INPP5D: variants seen among roughly 807,000 people sequenced by gnomAD.
INPP5D encodes phosphatidylinositol 3,4,5-trisphosphate 5-phosphatase 1.
Under a neutral mutation model 122.9 loss-of-function variants are expected in INPP5D, and 33 were observed. The ratio of observed to expected loss-of-function variants is 0.27; its 90% CI spans 0.20 to 0.36. INPP5D has a LOEUF of 0.36. Ranked by LOEUF, INPP5D falls within the 10% of genes least tolerant of loss-of-function variation. The pLI is 1.00. For synonymous variants in INPP5D, 584 were observed against 576.2 expected, an observed-to-expected ratio of 1.01 and a Z score of -0.19; for missense variants, 1,053 against 1,412.7, an observed-to-expected ratio of 0.75 and a Z score of 4.08.
chr2:233,113,257 C>A lies in INPP5D; in HGVS notation c.199-8850C>A, dbSNP rs1415391602. On this transcript the variant is annotated intron_variant, in intron 2 of 26. Coordinates refer to ENST00000445964, the MANE Select transcript of INPP5D (RefSeq NM_001017915.3). Reference sequence around the variant, plus strand: ...TAAGGCCCTCGTCATGTCCTTATCCCAGCTGCTCCCTCGTCCCCACTGGCT... The same window carrying A: ...TAAGGCCCTCGTCATGTCCTTATCCAAGCTGCTCCCTCGTCCCCACTGGCT... 2.6e-5 allele frequency among the ~76,000 whole-genome samples: 4 copies of A among 152,180 alleles called. No homozygotes were observed. In the South Asian group the frequency reaches 8.3e-4, roughly 32 times the overall value.
intron 2 of INPP5D, among the ~76,000 whole-genome samples, chr2:233,109,663 C>T (rs1692561322): frequency 6.6e-6 from 1 of 151,926 alleles, no homozygotes; most frequent in Admixed American, 6.6e-5. Flanking sequence ...ACTGCAACCT[C>T]TGCCTCCCAG....
chr2:233,060,627 C>T lies in INPP5D; in HGVS notation c.134+15C>T. 2 of 1,613,276 alleles carry T rather than the reference C, an allele frequency of 1.2e-6. No individual in the cohort carries two copies. Among genetic ancestry groups the T allele is most frequent in the East Asian group, 2.2e-5 (1 of 44,870 alleles). ...CTCTGCGTGCTGTGAGTACAACCTG[C>T]TCCCTCCCCGGGCACAGATATGACA... On this transcript the variant is annotated intron_variant, in intron 1 of 26. Coordinates refer to ENST00000445964, the MANE Select transcript of INPP5D (RefSeq NM_001017915.3).
Position 233,178,806 on chromosome 2 carries a change from C to A in INPP5D, c.2071+1460C>A, listed in dbSNP as rs78886327. On this transcript the variant is annotated intron_variant, in intron 18 of 26. Transcript: ENST00000445964. ...GCCCAGTGGTATTATTTTTAAAACA[C>A]TGCGAATTCCCACACAATGGCCTCT... Among the ~76,000 whole-genome samples the A allele has an allele frequency of 0.013, 1,933 of 152,248 alleles. 103 individuals are homozygous for A. The East Asian group carries it at 0.18, about 14-fold the overall frequency.
chr2:233,083,841 G>A (rs189982470), intron 2 of INPP5D, among the ~76,000 whole-genome samples: 17 of 152,236 alleles, frequency 1.1e-4, no homozygotes, highest in African/African-American at 3.4e-4. Flanking sequence ...AAGCAAAAGA[G>A]GCCCTTCGGC....
rs759393750 is a variant in INPP5D, at chr2:233,183,903, C to T, written c.2162-505C>T. 2.2e-4 allele frequency among the ~76,000 whole-genome samples: 34 copies of T among 152,160 alleles called. No individual in the cohort carries two copies. The highest frequency in any genetic ancestry group is 3.4e-4 in the Non-Finnish European group (23 of 68,026). On this transcript the variant is annotated intron_variant, in intron 19 of 26. Coordinates refer to ENST00000445964, the MANE Select transcript of INPP5D (RefSeq NM_001017915.3). The surrounding 1 kb of genome is among the most constrained non-coding windows in gnomAD (Gnocchi z 4.6). Reference sequence around the variant, plus strand: ...AGCTTAAGGATGCTTGCAAAAGCATCGTCTAAATTAATACAGTTGCAGGCA... The same window carrying T: ...AGCTTAAGGATGCTTGCAAAAGCATTGTCTAAATTAATACAGTTGCAGGCA...
intron 1 of INPP5D, among the ~76,000 whole-genome samples, chr2:233,069,096 G>T (rs1443347835): frequency 6.6e-6 from 1 of 152,238 alleles, no homozygotes; most frequent in South Asian, 2.1e-4. Flanking sequence ...GCGGCAGCAC[G>T]TGGGGACCAG....
intron 9 of INPP5D, among the ~76,000 whole-genome samples, chr2:233,154,689 C>T (rs926419544): frequency 3.3e-5 from 5 of 152,176 alleles, no homozygotes; most frequent in Non-Finnish European, 4.4e-5. Context: ...GAAGACCTTC[C>T]TTTGGAGCCT....
At chr2:233,065,307 GTTTTTT>G (rs376982879) in intron 1 of INPP5D, among the ~76,000 whole-genome samples, 1 of 116,976 alleles carries the variant, frequency 8.5e-6, no homozygotes, top group African/African-American at 3.3e-5. Flanking sequence ...CACTTCTTGG[GTTTTTT>G]TTTTTTTTTT....
chr2:233,075,599 A>ATG (rs150497378), intron 1 of INPP5D, among the ~76,000 whole-genome samples: 13,369 of 150,906 alleles, frequency 0.089, 671 homozygotes, highest in Middle Eastern at 0.13. Context: ...GCACATGTAT[A>ATG]TGTGTGTGTG....
intron 22 of INPP5D, 108 bp from the exon 23 acceptor site, chr2:233,193,704 C>T: frequency 1.3e-6 from 2 of 1,575,784 alleles, no homozygotes; most frequent in Non-Finnish European, 1.7e-6. Flanking sequence ...ATTAAATAAC[C>T]CTTGCCTGGG....
intron 1 of INPP5D, among the ~76,000 whole-genome samples, chr2:233,060,971 A>G (rs768141503): frequency 2.0e-5 from 3 of 152,204 alleles, no homozygotes; most frequent in Non-Finnish European, 4.4e-5. Flanking sequence ...GATCAGCTCA[A>G]AGATGCCCAG....
intron 1 of INPP5D, among the ~76,000 whole-genome samples, chr2:233,070,480 A>G (rs12623978): frequency 0.3 from 45,106 of 149,762 alleles, 8,874 homozygotes; most frequent in African/African-American, 0.54. Flanking sequence ...TCTGTCTGTC[A>G]CCCAGGCTGG....
chr2:233,148,407 GAGTA>G (rs1159198411), intron 9 of INPP5D, among the ~76,000 whole-genome samples: 1 of 152,204 alleles, frequency 6.6e-6, no homozygotes, highest in Non-Finnish European at 1.5e-5. Flanking sequence ...AGTTTCCTCT[GAGTA>G]AGAGGCACAT....
chr2:233,193,907 CA>C lies in INPP5D; in HGVS notation c.2543del (p.Gln848ArgfsTer21). 2 of 1,613,808 alleles carry C rather than the reference CA, an allele frequency of 1.2e-6. No individual in the cohort carries two copies. Among genetic ancestry groups the C allele is most frequent in the Non-Finnish European group, 1.7e-6 (2 of 1,179,758 alleles). On this transcript the variant is annotated frameshift_variant, in exon 23 of 27. Transcript: ENST00000445964. LOFTEE classifies it high-confidence loss of function. ...THHGELTGHFQGEIKLQTSQG... is the reference protein window; with the variant it reads ...THHGELTGHFXGEIKLQTSQG... ...CCATGGGGAGTTGACAGGCCACTTC[CA>C]GGGGGAGATCAAGCTGCAGACCTCT...
intron 5 of INPP5D, chr2:233,133,949 A>G (rs1001495879): frequency 1.5e-5 from 7 of 456,302 alleles, no homozygotes; most frequent in African/African-American, 1.4e-4. Context: ...CTCAACAGAT[A>G]TTAGGTAAAT....
chr2:233,094,016 A>G (rs2106225294), intron 2 of INPP5D, among the ~76,000 whole-genome samples: 1 of 152,194 alleles, frequency 6.6e-6, no homozygotes, highest in East Asian at 1.9e-4. Context: ...GTAGAGCCCA[A>G]GAGATTCTCT....
intron 2 of INPP5D, among the ~76,000 whole-genome samples, chr2:233,102,620 G>A (rs139770064): frequency 0.044 from 6,641 of 151,288 alleles, 184 homozygotes; most frequent in East Asian, 0.16. Flanking sequence ...AGGCCGAGGC[G>A]GGCAGATCAC....
chr2:233,185,299 G>A (rs1045678585), intron 20 of INPP5D, among the ~76,000 whole-genome samples: 5 of 152,192 alleles, frequency 3.3e-5, no homozygotes, highest in South Asian at 2.1e-4. Context: ...AACTGAGGTG[G>A]GCCCAGGCCT....
chr2:233,152,401 G>C (rs1362775581), intron 9 of INPP5D, among the ~76,000 whole-genome samples: 5 of 152,108 alleles, frequency 3.3e-5, no homozygotes, highest in African/African-American at 1.2e-4. Context: ...TTCATGCTCC[G>C]AGCACCTGCT....
Sources: allele counts gnomAD v4.1 joint callset (sites outside exome capture counted in the v4.1 genomes callset), GRCh38; gene constraint gnomAD v4.1.1; non-coding constraint Gnocchi (gnomAD v3.1); transcripts MANE v1.5; gene names NCBI Gene and HGNC (gene_info 2026-07-23, HGNC 2026-07-21).